Variants in NGFR observed in about 807,000 individuals in gnomAD.
NGFR encodes tumor necrosis factor receptor superfamily member 16.
Under a neutral mutation model 43.2 loss-of-function variants are expected in NGFR, and 30 were observed. That is an observed-to-expected ratio of 0.69 (90% CI 0.52 to 0.94). The LOEUF (loss-of-function observed/expected upper bound fraction) is 0.94. NGFR is among the 40% of genes least tolerant of loss of function. NGFR has a pLI of 0.00. For missense variants in NGFR, 529 were observed against 602.5 expected (o/e 0.88, Z 1.28); for synonymous variants, 246 against 259.6 (o/e 0.95, Z 0.50).
At chr17:49,506,681 GGGGAGT>G in intron 3 of NGFR, 23 bp downstream of exon 3, 4 of 1,174,600 alleles carry the variant, frequency 3.4e-6, no homozygotes, top group Non-Finnish European at 4.6e-6. Flanking sequence ...CGGGGGGCGG[GGGGAGT>G]GGGGGTGCGG....
At chr17:49,502,000 A>ACGGGCC in intron 1 of NGFR, 63 bp from the exon 2 acceptor site, 1 of 264,886 alleles carries the variant, frequency 3.8e-6, no homozygotes, top group Middle Eastern at 6.7e-4. Flanking sequence ...CCCCGGAAGA[A>ACGGGCC]CCCCCCCCAA....
chr17:49,502,002 C>CT, intron 1 of NGFR, 61 bp from the exon 2 acceptor site: 1 of 269,490 alleles, frequency 3.7e-6, no homozygotes, highest in East Asian at 8.2e-5. Flanking sequence ...CCGGAAGAAC[C>CT]CCCCCCAACC....
chr17:49,503,708 G>A (rs1254078406), intron 2 of NGFR, among the ~76,000 whole-genome samples: 2 of 152,186 alleles, frequency 1.3e-5, no homozygotes, highest in South Asian at 2.1e-4. Context: ...ATCCTCCAAT[G>A]CCTTTGCCGT....
chr17:49,510,534 G>T lies in NGFR; in HGVS notation c.691G>T (p.Val231Leu), dbSNP rs1054216777. The change falls in exon 4 of 6, where the codon GTG (valine) becomes TTG (leucine). Residue 231 changes from valine (V) to leucine (L), a missense_variant. By Grantham distance (32) the Val-to-Leu change is conservative. Transcript: ENST00000172229. ...CCTCATAGCCAGCACGGTGGCAGGT[G>T]TGGTGACCACAGTGATGGGCAGCTC... Reference protein sequence around the residue: ...QDLIASTVAGVVTTVMGSSQP... With the variant: ...QDLIASTVAGLVTTVMGSSQP... 1 of 1,614,118 alleles carries T rather than the reference G, an allele frequency of 6.2e-7. No individual in the cohort carries two copies. The highest frequency in any genetic ancestry group is 1.3e-5 in the African/African-American group (1 of 75,026).
chr17:49,508,238 C>T (rs543466414), intron 3 of NGFR, among the ~76,000 whole-genome samples: 1 of 152,326 alleles, frequency 6.6e-6, no homozygotes, highest in African/African-American at 2.4e-5. Flanking sequence ...GTAGGCAAGT[C>T]CAGACCAGCC....
At chr17:49,507,786 C>A (rs1040131521) in intron 3 of NGFR, among the ~76,000 whole-genome samples, 1 of 152,196 alleles carries the variant, frequency 6.6e-6, no homozygotes, top group African/African-American at 2.4e-5. Flanking sequence ...CAGTGAGCCC[C>A]CAGTTTGATG....
chr17:49,512,699 T>A lies in NGFR; in HGVS notation c.983-9T>A, dbSNP rs777327490. ...GGTAGGACCTGACTCTCCTCTGGTT[T>A]CTCTGCAGCCCTCAAGGGTGACGGA... On this transcript the variant is annotated splice_polypyrimidine_tract_variant and intron_variant, in intron 5 of 5. Transcript: ENST00000172229. The surrounding 1 kb of genome is among the most constrained non-coding windows in gnomAD (Gnocchi z 5.2). The A allele has an allele frequency of 6.4e-7, 1 of 1,567,206 alleles. No individual in the cohort carries two copies. Among genetic ancestry groups the A allele is most frequent in the Non-Finnish European group, 8.7e-7 (1 of 1,155,322 alleles).
chr17:49,506,687 T>TGG (rs1208708275), intron 3 of NGFR, 29 bp downstream of exon 3: 16 of 129,018 alleles, frequency 1.2e-4, no homozygotes, highest in East Asian at 1.8e-4. Context: ...GCGGGGGGAG[T>TGG]GGGGGTGCGG....
intron 3 of NGFR, 41 bp downstream of exon 3, chr17:49,506,699 G>GGGGGGGGGGGGGGGGGGGGGGGGGGGGC: frequency 5.0e-6 from 2 of 402,094 alleles, no homozygotes; most frequent in African/African-American, 2.2e-5. Flanking sequence ...GGGGTGCGGG[G>GGGGGGGGGGGGGGGGGGGGGGGGGGGGC]GTGGGCTGGG....
chr17:49,506,696 G>A (rs1374953772), intron 3 of NGFR, 38 bp downstream of exon 3: 5 of 777,640 alleles, frequency 6.4e-6, no homozygotes, highest in African/African-American at 3.6e-5. Flanking sequence ...GTGGGGGTGC[G>A]GGGGTGGGCT....
In NGFR at chr17:49,512,802, G is replaced by T; in HGVS notation, c.1077G>T (p.Trp359Cys). Residue 359 changes from tryptophan to cysteine, a missense_variant, in exon 6 of 6, where the codon TGG becomes TGT. Trp to Cys is a radical substitution (Grantham distance 215). Coordinates refer to ENST00000172229, the MANE Select transcript of NGFR (RefSeq NM_002507.4). The surrounding 1 kb of genome is among the most constrained non-coding windows in gnomAD (Gnocchi z 5.2). The part of the protein sequence containing the change: ...KLLNGSAGDT[W>C]RHLAGELGYQ... Reference sequence around the variant, plus strand: ...TCAACGGCTCTGCGGGGGACACCTGGCGGCACCTGGCGGGCGAGCTGGGCT... The same window carrying T: ...TCAACGGCTCTGCGGGGGACACCTGTCGGCACCTGGCGGGCGAGCTGGGCT... 1 of 1,613,402 alleles carries T rather than the reference G, an allele frequency of 6.2e-7. No homozygotes were observed. The highest frequency in any genetic ancestry group is 1.3e-5 in the African/African-American group (1 of 75,022).
At position 49,512,094 on chromosome 17, in the gene NGFR, T is replaced by G; in HGVS notation, c.982+42T>G. 1 of 1,596,006 alleles carries G rather than the reference T, an allele frequency of 6.3e-7. No individual in the cohort carries two copies. Among genetic ancestry groups the G allele is most frequent in the Non-Finnish European group, 8.5e-7 (1 of 1,170,940 alleles). ...TGGGGAGCTGAGGCGGAGCTGAGGC[T>G]GAGGAAACAGAAGCAATTAAGATTA... On this transcript the variant is annotated intron_variant, in intron 5 of 5. Transcript: ENST00000172229. The surrounding 1 kb of genome is among the most constrained non-coding windows in gnomAD (Gnocchi z 5.2).
chr17:49,512,473 G>T lies in NGFR; in HGVS notation c.983-235G>T, dbSNP rs1349544857. Among the ~76,000 whole-genome samples, 1 of 152,206 alleles carries T rather than the reference G, an allele frequency of 6.6e-6. No homozygotes were observed. The highest frequency in any genetic ancestry group is 6.5e-5 in the Admixed American group (1 of 15,290). Reference sequence around the variant, plus strand: ...CTCCTCTGCCATGATTAATTGCTGGGGGGGAAGAGAGGAGGGATGGGGATA... The same window carrying T: ...CTCCTCTGCCATGATTAATTGCTGGTGGGGAAGAGAGGAGGGATGGGGATA... On this transcript the variant is annotated intron_variant, in intron 5 of 5. Coordinates refer to ENST00000172229, the MANE Select transcript of NGFR (RefSeq NM_002507.4). The surrounding 1 kb of genome is among the most constrained non-coding windows in gnomAD (Gnocchi z 5.2).
intron 1 of NGFR, 49 bp from the exon 2 acceptor site, chr17:49,502,014 A>T (rs765711350): frequency 6.8e-6 from 2 of 295,146 alleles, no homozygotes; most frequent in Non-Finnish European, 1.0e-5. Context: ...CCCCCAACCC[A>T]CCCCAGCTTT....
intron 4 of NGFR, 123 bp downstream of exon 4, chr17:49,510,787 A>G (rs1166587096): frequency 8.0e-7 from 1 of 1,257,688 alleles, no homozygotes; most frequent in Admixed American, 1.9e-5. Flanking sequence ...GCTCATCCTC[A>G]CTCATCATCT....
At chr17:49,502,000 A>AGGGGCCCCCCCCCCCCCC in intron 1 of NGFR, 63 bp from the exon 2 acceptor site, 3 of 264,882 alleles carry the variant, frequency 1.1e-5, no homozygotes, top group Non-Finnish European at 2.4e-5. Context: ...CCCCGGAAGA[A>AGGGGCCCCCCCCCCCCCC]CCCCCCCCAA....
rs748906128 is a variant in NGFR, at chr17:49,512,704, G to A, written c.983-4G>A. 14 of 1,573,866 alleles carry A rather than the reference G, an allele frequency of 8.9e-6. No individual in the cohort carries two copies. The South Asian group carries it at 1.5e-4, about 17-fold the overall frequency. ...GACCTGACTCTCCTCTGGTTTCTCT[G>A]CAGCCCTCAAGGGTGACGGAGGCCT... is the stretch of plus-strand genomic sequence containing the variant. On this transcript the variant is annotated splice_region_variant and splice_polypyrimidine_tract_variant and intron_variant, in intron 5 of 5. Coordinates refer to ENST00000172229, the MANE Select transcript of NGFR (RefSeq NM_002507.4). The surrounding 1 kb of genome is among the most constrained non-coding windows in gnomAD (Gnocchi z 5.2).
chr17:49,511,199 G>A (rs1406499613), intron 4 of NGFR: 1 of 152,376 alleles, frequency 6.6e-6, no homozygotes, highest in Non-Finnish European at 1.5e-5. Context: ...AAAGCAAAAA[G>A]TAAAAGCCCC....
intron 1 of NGFR, chr17:49,497,143 G>GTC (rs1386767741): frequency 2.0e-5 from 3 of 152,290 alleles, no homozygotes; most frequent in African/African-American, 7.2e-5. Flanking sequence ...CCAGCTCGGG[G>GTC]TCACGGCTGC....
Sources: gnomAD v4.1 joint callset for allele counts (sites outside exome capture counted in the v4.1 genomes callset) on GRCh38, gnomAD v4.1.1 for gene constraint, Gnocchi (gnomAD v3.1) non-coding constraint, MANE v1.5 for transcripts, NCBI Gene and HGNC (gene_info 2026-07-23, HGNC 2026-07-21) for gene names.